The following KCNU1 variants were observed in gnomAD, a reference collection of about 807,000 sequenced individuals.
KCNU1 encodes potassium calcium-activated channel subfamily U member 1.
Under a neutral mutation model 126.8 loss-of-function variants are expected in KCNU1, and 93 were observed. That is an observed-to-expected ratio of 0.73 (90% CI 0.62 to 0.87). The LOEUF is 0.87. Among genes scored for constraint, KCNU1 ranks in the 40% least tolerant of loss-of-function variants. KCNU1 has a pLI of 0.00. For missense variants in KCNU1, 1,330 were observed against 1,367.1 expected, an observed-to-expected ratio of 0.97 and a Z score of 0.43; for synonymous variants, 523 against 494.2, an observed-to-expected ratio of 1.06 and a Z score of -0.77.
At chr8:36,925,791 C>T (rs148112691) in intron 24 of KCNU1, among the ~76,000 whole-genome samples, 7 of 152,248 alleles carry the variant, frequency 4.6e-5, no homozygotes, top group East Asian at 3.9e-4. Context: ...GAGTCACTAC[C>T]GCAGCTCCTG....
At chr8:36,829,316 T>C (rs1585425278) in intron 10 of KCNU1, among the ~76,000 whole-genome samples, 1 of 152,070 alleles carries the variant, frequency 6.6e-6, no homozygotes. Flanking sequence ...TTAAAGCACT[T>C]ATTGTTTTTT....
At chr8:36,898,840 G>A (rs562704225) in intron 19 of KCNU1, among the ~76,000 whole-genome samples, 14 of 151,944 alleles carry the variant, frequency 9.2e-5, no homozygotes, top group Non-Finnish European at 1.2e-4. Flanking sequence ...GAAAAAAATT[G>A]GCTGAAGAAA....
At chr8:36,925,430 A>G (rs144679893) in intron 24 of KCNU1, among the ~76,000 whole-genome samples, 3 of 152,326 alleles carry the variant, frequency 2.0e-5, no homozygotes, top group Middle Eastern at 6.8e-3. Flanking sequence ...CCAGCTCATG[A>G]ATCTTTAATG....
chr8:36,854,176 T>C (rs1040426838), intron 18 of KCNU1, among the ~76,000 whole-genome samples: 7 of 152,172 alleles, frequency 4.6e-5, no homozygotes, highest in African/African-American at 1.7e-4. Context: ...CATTTTTGAT[T>C]ATGACAGGTC....
chr8:36,870,096 C>T (rs1806047706), intron 19 of KCNU1, among the ~76,000 whole-genome samples: 1 of 152,140 alleles, frequency 6.6e-6, no homozygotes, highest in African/African-American at 2.4e-5. Context: ...ATGGCAATTC[C>T]AGCTCCTTCC....
At chr8:36,898,058 G>C (rs1807266747) in intron 19 of KCNU1, among the ~76,000 whole-genome samples, 1 of 151,944 alleles carries the variant, frequency 6.6e-6, no homozygotes, top group Non-Finnish European at 1.5e-5. Context: ...TTTAAAGTTT[G>C]TGGTCCTCAA....
intron 22 of KCNU1, among the ~76,000 whole-genome samples, chr8:36,912,827 G>A (rs1020810248): frequency 6.6e-6 from 1 of 151,930 alleles, no homozygotes. Flanking sequence ...AATTAGCTTG[G>A]TGTGGTGGCG....
intron 16 of KCNU1, among the ~76,000 whole-genome samples, chr8:36,844,243 G>A (rs1805059445): frequency 6.6e-6 from 1 of 152,036 alleles, no homozygotes. Flanking sequence ...AGCTATGCAT[G>A]GTGGTGCACA....
intron 13 of KCNU1, 119 bp downstream of exon 13, chr8:36,836,484 G>C: frequency 1.4e-6 from 1 of 695,772 alleles, no homozygotes; most frequent in South Asian, 1.9e-5. Context: ...GTAAAATTTG[G>C]AGTCTTATTA....
chr8:36,909,850 C>T (rs1324011403), intron 21 of KCNU1, among the ~76,000 whole-genome samples: 1 of 152,140 alleles, frequency 6.6e-6, no homozygotes, highest in Non-Finnish European at 1.5e-5. Context: ...GTTTTACGGT[C>T]TTTGTACAAA....
chr8:36,841,641 A>G (rs1804961803), intron 16 of KCNU1, among the ~76,000 whole-genome samples: 1 of 152,274 alleles, frequency 6.6e-6, no homozygotes, highest in South Asian at 2.1e-4. Context: ...GGCTGCAGTG[A>G]GCTGAGTTCA....
chr8:36,851,529 T>C (rs1210860200), intron 18 of KCNU1, among the ~76,000 whole-genome samples: 2 of 152,140 alleles, frequency 1.3e-5, no homozygotes, highest in African/African-American at 4.8e-5. Context: ...AAACCGTTTT[T>C]CTTCATAAAA....
intron 22 of KCNU1, among the ~76,000 whole-genome samples, chr8:36,917,521 T>TA (rs1286273056): frequency 1.3e-5 from 2 of 151,202 alleles, no homozygotes; most frequent in Non-Finnish European, 2.9e-5. Context: ...CAGCTAATTT[T>TA]TTTTTTTTAA....
Position 36,879,211 on chromosome 8 carries a change from G to GTGTATATA in KCNU1, c.2009+14691_2009+14692insGTATATAT, listed in dbSNP as rs541223094. On this transcript the variant is annotated intron_variant, in intron 19 of 26. Coordinates refer to ENST00000399881, the MANE Select transcript of KCNU1 (RefSeq NM_001031836.3). Reference sequence around the variant, plus strand: ...TATGTATGTGTGTGTGTGTGTGTGTGTATATATATATATATATATATATAT... The same window carrying GTGTATATA: ...TATGTATGTGTGTGTGTGTGTGTGTGTGTATATATATATATATATATATATATATATAT... Among the ~76,000 whole-genome samples, 707 of 101,738 alleles carry GTGTATATA rather than the reference G, an allele frequency of 6.9e-3. 1 individual carries two copies. The highest frequency in any genetic ancestry group is 0.011 in the Non-Finnish European group (570 of 51,028). The allele number at this position is 101,738 out of a possible 152,430, so 66.7% of individuals were successfully genotyped here. A position where few individuals can be genotyped will look rare whatever the true frequency, so the allele number is the denominator to read the frequency against.
At chr8:36,803,295 T>C (rs919123962) in intron 2 of KCNU1, among the ~76,000 whole-genome samples, 3 of 152,330 alleles carry the variant, frequency 2.0e-5, no homozygotes, top group African/African-American at 7.2e-5. Context: ...AGAATTACAC[T>C]GGACTGAACA....
chr8:36,920,294 G>T (rs1808292079), intron 23 of KCNU1, among the ~76,000 whole-genome samples: 1 of 151,934 alleles, frequency 6.6e-6, no homozygotes, highest in Admixed American at 6.6e-5. Context: ...CAGTATCCAT[G>T]GGTTTCCATT....
intron 23 of KCNU1, among the ~76,000 whole-genome samples, chr8:36,921,543 G>A (rs1808346072): frequency 6.6e-6 from 1 of 151,788 alleles, no homozygotes; most frequent in Non-Finnish European, 1.5e-5. Context: ...GCCGGACATG[G>A]TGGTACATGC....
chr8:36,924,477 G>A (rs548877503), intron 24 of KCNU1, among the ~76,000 whole-genome samples: 3 of 152,282 alleles, frequency 2.0e-5, no homozygotes, highest in Non-Finnish European at 2.9e-5. Flanking sequence ...TCTTTAAGCC[G>A]TGGTAGGGGT....
At chr8:36,913,480 T>A (rs1194537131) in intron 22 of KCNU1, among the ~76,000 whole-genome samples, 2 of 152,190 alleles carry the variant, frequency 1.3e-5, no homozygotes, top group African/African-American at 4.8e-5. Context: ...GTTGGGTTTG[T>A]TTGAATGGGA....
Sources: allele counts gnomAD v4.1 joint callset (sites outside exome capture counted in the v4.1 genomes callset), GRCh38; gene constraint gnomAD v4.1.1; transcripts MANE v1.5; gene names NCBI Gene and HGNC (gene_info 2026-07-23, HGNC 2026-07-21).